The following KLF12 variants were observed in gnomAD, a reference collection of about 807,000 sequenced individuals.
The protein encoded by KLF12 is Krueppel-like factor 12.
A neutral mutation model predicts 37.8 loss-of-function variants in KLF12; 9 were observed. The observed-to-expected ratio is 0.24, with a 90% CI of 0.14 to 0.42. The LOEUF (loss-of-function observed/expected upper bound fraction) is 0.42. Ranked by LOEUF, KLF12 falls within the 10% of genes least tolerant of loss-of-function variation. The pLI, the probability that KLF12 is intolerant of heterozygous loss-of-function variation, is 1.00. For synonymous variants in KLF12, 208 were observed against 202.1 expected (o/e 1.03, Z -0.25); for missense variants, 411 against 516.0 (o/e 0.80, Z 1.97).
chr13:73,907,942 A>G (rs1888381781), intron 3 of KLF12, among the ~76,000 whole-genome samples: 1 of 152,038 alleles, frequency 6.6e-6, no homozygotes, highest in Non-Finnish European at 1.5e-5. Context: ...CCTTTTTATT[A>G]TTCCTCAAAC....
At chr13:74,260,629 A>AT in the KLF12 span, among the ~76,000 whole-genome samples, 1 of 63,864 alleles carries the variant, frequency 1.6e-5, no homozygotes, top group African/African-American at 2.0e-4. Flanking sequence ...AAAATAAAAT[A>AT]GTGAATTAAT....
At chr13:73,959,124 C>CAAAAAAAAAAAAAACA (rs66521656) in intron 2 of KLF12, among the ~76,000 whole-genome samples, 2 of 86,838 alleles carry the variant, frequency 2.3e-5, no homozygotes, top group Non-Finnish European at 4.9e-5. Context: ...ACCCCCCTTC[C>CAAAAAAAAAAAAAACA]AAAAAAAAAC....
intron 4 of KLF12, among the ~76,000 whole-genome samples, chr13:73,844,094 CTTTA>C (rs1413564134): frequency 1.4e-4 from 22 of 151,976 alleles, no homozygotes; most frequent in Non-Finnish European, 3.1e-4. Flanking sequence ...ACATTAATAT[CTTTA>C]TTAATTAACT....
chr13:74,230,499 A>G, the KLF12 span, among the ~76,000 whole-genome samples: 1 of 152,160 alleles, frequency 6.6e-6, no homozygotes, highest in Non-Finnish European at 1.5e-5. Context: ...CCACACTCTC[A>G]TCAATTACCT....
At chr13:74,218,272 G>C in the KLF12 span, among the ~76,000 whole-genome samples, 14 of 152,116 alleles carry the variant, frequency 9.2e-5, no homozygotes, top group Non-Finnish European at 2.9e-5. Context: ...AGGAAAAAGG[G>C]GGACATACTC....
At chr13:73,833,849 T>C (rs778792038) in intron 4 of KLF12, among the ~76,000 whole-genome samples, 18 of 152,210 alleles carry the variant, frequency 1.2e-4, no homozygotes, top group East Asian at 3.9e-4. Context: ...GCTGGTTACA[T>C]GTTATGTTTT....
At chr13:73,808,916 A>T (rs1446956796) in intron 5 of KLF12, among the ~76,000 whole-genome samples, 1 of 152,196 alleles carries the variant, frequency 6.6e-6, no homozygotes, top group Non-Finnish European at 1.5e-5. Context: ...CTCTGGTGTC[A>T]GTCTTCCTTC....
chr13:74,068,883 T>TA (rs201549683), intron 1 of KLF12, among the ~76,000 whole-genome samples: 1,663 of 152,288 alleles, frequency 0.011, 16 homozygotes, highest in Non-Finnish European at 0.019. Flanking sequence ...TGAAGGTATG[T>TA]ATACATCATC....
chr13:74,056,129 G>A (rs1873229871), intron 1 of KLF12, among the ~76,000 whole-genome samples: 1 of 152,070 alleles, frequency 6.6e-6, no homozygotes, highest in African/African-American at 2.4e-5. Context: ...TTTTAAAATA[G>A]GATATAGGAA....
rs564666633 is a variant in KLF12 at position 73,720,377 on chromosome 13, TG to T, written c.870-4853del. Among the ~76,000 whole-genome samples the T allele has an allele frequency of 3.3e-3, 301 of 91,126 alleles. 2 individuals are homozygous for T. Among genetic ancestry groups the T allele is most frequent in the African/African-American group, 8.6e-3 (277 of 32,394 alleles). The allele number at this position is 91,126 out of a possible 152,430, so 59.8% of individuals were successfully genotyped here. The stretch of plus-strand genomic sequence containing the variant: ...GGCCTTTTTATAAAGAATGGGAATG[TG>T]CAAGTAACTACTGCATACACCAGTA... On this transcript the variant is annotated intron_variant, in intron 6 of 7. Coordinates refer to ENST00000377669, the MANE Select transcript of KLF12 (RefSeq NM_007249.5).
At chr13:74,073,220 A>T (rs1197338407) in intron 1 of KLF12, among the ~76,000 whole-genome samples, 2 of 152,236 alleles carry the variant, frequency 1.3e-5, no homozygotes, top group Non-Finnish European at 2.9e-5. Context: ...TAGCAGTATT[A>T]AAATGGACTA....
intron 4 of KLF12, among the ~76,000 whole-genome samples, chr13:73,823,935 C>T (rs1192704698): frequency 6.6e-6 from 1 of 152,082 alleles, no homozygotes; most frequent in Non-Finnish European, 1.5e-5. Context: ...ATCTCAAACT[C>T]CTGACCTCAG....
At chr13:73,797,245 T>C (rs1464086746) in intron 5 of KLF12, among the ~76,000 whole-genome samples, 1 of 152,206 alleles carries the variant, frequency 6.6e-6, no homozygotes, top group Non-Finnish European at 1.5e-5. Context: ...CAGTTCCAGT[T>C]CTAGATCTCC....
intron 1 of KLF12, among the ~76,000 whole-genome samples, chr13:73,996,323 C>A (rs575540711): frequency 1.3e-5 from 2 of 152,260 alleles, no homozygotes; most frequent in Admixed American, 1.3e-4. Flanking sequence ...ATGATTAAAC[C>A]ATAACATGGT....
At chr13:73,842,205 G>A (rs774893304) in intron 4 of KLF12, among the ~76,000 whole-genome samples, 1 of 152,092 alleles carries the variant, frequency 6.6e-6, no homozygotes, top group Non-Finnish European at 1.5e-5. Flanking sequence ...CACTCCATGA[G>A]CATCACAGTA....
In KLF12 at chr13:73,808,516, T is replaced by C. The variant is rs371849582; in HGVS notation, c.806+4636A>G. Among the ~76,000 whole-genome samples the C allele has an allele frequency of 3.4e-4, 52 of 152,314 alleles. 1 individual carries two copies. The South Asian group carries it at 9.7e-3, about 29-fold the overall frequency. On this transcript the variant is annotated intron_variant, in intron 5 of 7. Coordinates refer to ENST00000377669, the MANE Select transcript of KLF12 (RefSeq NM_007249.5). ...CTGTTGTAGCCACTAAGCAGCGGTCTTTTTAATTTGAATGCAGGCATATTT... is the reference window on the plus strand; with the variant it reads ...CTGTTGTAGCCACTAAGCAGCGGTCCTTTTAATTTGAATGCAGGCATATTT...
intron 5 of KLF12, among the ~76,000 whole-genome samples, chr13:73,778,401 T>C (rs775976180): frequency 3.3e-5 from 5 of 152,118 alleles, no homozygotes; most frequent in Admixed American, 6.5e-5. Flanking sequence ...TCCCCGGTCA[T>C]AGAGGCTGGA....
chr13:74,297,476 A>G, the KLF12 span, among the ~76,000 whole-genome samples: 2 of 152,228 alleles, frequency 1.3e-5, no homozygotes, highest in Non-Finnish European at 1.5e-5. Flanking sequence ...TCTCAAAAAC[A>G]GTAATCTGCA....
At chr13:73,837,391 G>GT (rs1272872263) in intron 4 of KLF12, among the ~76,000 whole-genome samples, 1 of 152,284 alleles carries the variant, frequency 6.6e-6, no homozygotes, top group African/African-American at 2.4e-5. Context: ...AAACAAGAGC[G>GT]TAAGAAGCCA....
Sources: gnomAD v4.1 joint callset for allele counts (sites outside exome capture counted in the v4.1 genomes callset) on GRCh38, gnomAD v4.1.1 for gene constraint, MANE v1.5 for transcripts, NCBI Gene and HGNC (gene_info 2026-07-23, HGNC 2026-07-21) for gene names.